SYNE1: variants seen among roughly 807,000 people sequenced by gnomAD.
The protein encoded by SYNE1 is nesprin-1.
In SYNE1, 616 loss-of-function variants were observed where a neutral mutation model predicts 1,111.0. The ratio of observed to expected loss-of-function variants is 0.55; its 90% CI spans 0.52 to 0.59. The LOEUF (loss-of-function observed/expected upper bound fraction) is 0.59. Among genes scored for constraint, SYNE1 ranks in the 20% least tolerant of loss-of-function variants. The probability of loss-of-function intolerance (pLI) is 0.00; values close to 1 mark genes in which losing one functional copy is unlikely to be tolerated. For synonymous variants in SYNE1, 3,855 were observed against 3,825.8 expected (o/e 1.01, Z -0.28); for missense variants, 10,006 against 10,417.0 (o/e 0.96, Z 1.72).
In SYNE1 at chr6:152,505,213, G is replaced by A; in HGVS notation, c.766C>T (p.Leu256=). ...ATATTCAGCCTACCTTCAGGATCTAGCAGTCTTGGGATCCCCAGTTCTGTT... is the reference window on the plus strand; with the variant it reads ...ATATTCAGCCTACCTTCAGGATCTAACAGTCTTGGGATCCCCAGTTCTGTT... ...AETELGIPRL[L]DPEDVDVDKP... The change falls in exon 9 of 146, where the codon CTA becomes TTA. Residue 256 remains leucine, a synonymous_variant. Coordinates refer to ENST00000367255, the MANE Select transcript of SYNE1 (RefSeq NM_182961.4). 1 of 1,613,946 alleles carries A rather than the reference G, an allele frequency of 6.2e-7. No homozygotes were observed. The highest frequency in any genetic ancestry group is 8.5e-7 in the Non-Finnish European group (1 of 1,179,950).
At chr6:152,464,204 G>A (rs979313618) in intron 18 of SYNE1, among the ~76,000 whole-genome samples, 1 of 152,098 alleles carries the variant, frequency 6.6e-6, no homozygotes, top group Admixed American at 6.6e-5. Context: ...CAATGAAACA[G>A]TTTCCAACTC....
Position 152,122,546 on chromosome 6 carries a change from C to G in SYNE1, c.26284G>C (p.Ala8762Pro). ...QLLLLLLIGLACLVPMSEEDY... is the reference protein window; with the variant it reads ...QLLLLLLIGLPCLVPMSEEDY... ...TCCTCTGACATTGGTACAAGGCAGG[C>G]AAGCCCGATGAGGAGGAGCAGGAGA... Residue 8762 changes from alanine (A) to proline (P), a missense_variant, in exon 146 of 146, where the codon GCC becomes CCC. Around this residue, in one of 7 missense-constraint regions of SYNE1, gnomAD observed 761 missense variants for 795.5 expected, o/e 0.96. Coordinates refer to ENST00000367255, the MANE Select transcript of SYNE1 (RefSeq NM_182961.4). The G allele has an allele frequency of 6.2e-7, 1 of 1,614,220 alleles. No individual in the cohort carries two copies. Among genetic ancestry groups the G allele is most frequent in the Non-Finnish European group, 8.5e-7 (1 of 1,180,038 alleles).
rs73633307 is a variant in SYNE1, at chr6:152,155,209, T to G, written c.23979-167A>C. The G allele has an allele frequency of 0.044, 30,315 of 683,118 alleles. 898 individuals are homozygous for G. Among genetic ancestry groups the G allele is most frequent in the African/African-American group, 0.094 (5,175 of 55,340 alleles). 42.3% of individuals were successfully genotyped at this position (683,118 alleles called of 1,614,324 possible). On this transcript the variant is annotated intron_variant, in intron 132 of 145. Coordinates refer to ENST00000367255, the MANE Select transcript of SYNE1 (RefSeq NM_182961.4). ...TTGACCAGAGAGCAAGAGAGACAAC[T>G]GCTTGAGCTAAAATAAAACGGCTGT...
At chr6:152,535,673 T>C (rs1196247492) in intron 4 of SYNE1, among the ~76,000 whole-genome samples, 4 of 152,184 alleles carry the variant, frequency 2.6e-5, no homozygotes, top group African/African-American at 9.7e-5. Flanking sequence ...AATATGAAAC[T>C]GCAAGCATTT....
intron 59 of SYNE1, among the ~76,000 whole-genome samples, chr6:152,371,172 C>T (rs530678020): frequency 3.0e-4 from 45 of 152,228 alleles, no homozygotes; most frequent in Middle Eastern, 3.4e-3. Flanking sequence ...TGTCCCCCCC[C>T]AAATCTCATC....
chr6:152,402,279 C>G (rs764090388), intron 46 of SYNE1: 2 of 152,276 alleles, frequency 1.3e-5, no homozygotes, highest in Non-Finnish European at 2.9e-5. Flanking sequence ...TCCCTAGACA[C>G]GACAGTGCGC....
chr6:152,576,021 A>G lies in SYNE1; in HGVS notation c.68-36000T>C, dbSNP rs79117753. 5.6e-3 allele frequency among the ~76,000 whole-genome samples: 858 copies of G among 152,386 alleles called. 8 individuals are homozygous for G. The highest frequency in any genetic ancestry group is 0.019 in the African/African-American group (774 of 41,592). ...AGAACAAAGTGGACCTCGGCTAATC[A>G]GCAAACGTGCCTGTGCATGTCTTTC... On this transcript the variant is annotated intron_variant, in intron 3 of 145. Transcript: ENST00000367255.
Position 152,323,547 on chromosome 6 carries a change from G to A in SYNE1, c.15848C>T (p.Ala5283Val). 1 of 1,614,248 alleles carries A rather than the reference G, an allele frequency of 6.2e-7. No homozygotes were observed. The highest frequency in any genetic ancestry group is 1.1e-5 in the South Asian group (1 of 91,086). ...QQTLSMLQDG[A>V]APTPGEEPPL... ...AGGCTCTTCCCCAGGGGTTGGGGCG[G>A]CTCCATCCTGGAGCATGCTCAGGGT... is the stretch of plus-strand genomic sequence containing the variant. The change falls in exon 82 of 146, where the codon GCC becomes GTC. Residue 5283 changes from alanine to valine, a missense_variant. Ala to Val is a moderately conservative substitution (Grantham distance 64). This residue lies in a region of SYNE1 where 4,955 missense variants were observed against 5,017.2 expected (regional missense o/e 0.99). Coordinates refer to ENST00000367255, the MANE Select transcript of SYNE1 (RefSeq NM_182961.4).
At chr6:152,255,856 G>T in intron 102 of SYNE1, 110 bp from the exon 103 acceptor site, 2 of 1,279,872 alleles carry the variant, frequency 1.6e-6, no homozygotes, top group South Asian at 1.2e-5. Flanking sequence ...TGAGCACTTT[G>T]GTAGCCCAAA....
chr6:152,471,204 C>T (rs776895668), intron 16 of SYNE1, among the ~76,000 whole-genome samples: 2 of 152,054 alleles, frequency 1.3e-5, no homozygotes, highest in African/African-American at 4.8e-5. Flanking sequence ...GAGAATGGTT[C>T]TAAACTAGTC....
chr6:152,217,624 GAGAT>G (rs1025320255), intron 121 of SYNE1, among the ~76,000 whole-genome samples: 6 of 152,204 alleles, frequency 3.9e-5, no homozygotes, highest in African/African-American at 1.4e-4. Context: ...GGGTCTCAGA[GAGAT>G]AGGAGTAGAT....
intron 126 of SYNE1, among the ~76,000 whole-genome samples, chr6:152,204,162 C>T (rs975963888): frequency 1.3e-5 from 2 of 151,922 alleles, no homozygotes; most frequent in African/African-American, 4.8e-5. Flanking sequence ...GCCAGGAGTT[C>T]GAGACCAGCC....
chr6:152,413,340 G>T lies in SYNE1; in HGVS notation c.6230+12C>A. On this transcript the variant is annotated intron_variant, in intron 42 of 145. Coordinates refer to ENST00000367255, the MANE Select transcript of SYNE1 (RefSeq NM_182961.4). ...GAAGCTAAAAACAAGAACTGGGTGG[G>T]TTTTGACTTACTTTTCATGAATTAG... The T allele has an allele frequency of 2.5e-6, 4 of 1,614,066 alleles. No individual in the cohort carries two copies. Among genetic ancestry groups the T allele is most frequent in the Non-Finnish European group, 2.5e-6 (3 of 1,179,976 alleles).
intron 130 of SYNE1, among the ~76,000 whole-genome samples, chr6:152,167,307 C>T (rs556164089): frequency 6.6e-6 from 1 of 152,232 alleles, no homozygotes; most frequent in South Asian, 2.1e-4. Flanking sequence ...ATCTATATTT[C>T]ACCACTTTCC....
chr6:152,305,839 T>C (rs2095356756), intron 91 of SYNE1, among the ~76,000 whole-genome samples: 1 of 152,150 alleles, frequency 6.6e-6, no homozygotes, highest in Non-Finnish European at 1.5e-5. Context: ...TAAGTCACAG[T>C]TGGTTTAAAA....
chr6:152,343,609 A>G (rs1189611936), intron 74 of SYNE1, among the ~76,000 whole-genome samples: 2 of 150,780 alleles, frequency 1.3e-5, no homozygotes, highest in Non-Finnish European at 3.0e-5. Context: ...GCTCACTGCA[A>G]CCTCTGCCTC....
At chr6:152,531,980 G>A (rs2099204772) in intron 4 of SYNE1, among the ~76,000 whole-genome samples, 1 of 152,126 alleles carries the variant, frequency 6.6e-6, no homozygotes, top group Non-Finnish European at 1.5e-5. Flanking sequence ...AATATCTCCT[G>A]AAGACCCTGC....
At position 152,442,243 on chromosome 6, in the gene SYNE1, T is replaced by C; in HGVS notation, c.3840A>G (p.Gln1280=). 1.2e-6 allele frequency: 2 copies of C among 1,612,716 alleles called. No homozygotes were observed. The highest frequency in any genetic ancestry group is 8.5e-7 in the Non-Finnish European group (1 of 1,180,034). The change falls in exon 31 of 146, where the codon CAA becomes CAG. Residue 1280 remains glutamine (Q), a splice_region_variant and synonymous_variant. Transcript: ENST00000367255. ...TCTTTGCTGAGATCCGCTTTGTCTT[T>C]TGCTAGAAGCATTTATTCAACAGAT... The part of the protein sequence containing the change: ...EAQQLLLHHQ[Q]KTKRISAKKR...
At chr6:152,445,614 C>A (rs930473100) in intron 29 of SYNE1, among the ~76,000 whole-genome samples, 8 of 152,046 alleles carry the variant, frequency 5.3e-5, no homozygotes, top group African/African-American at 1.9e-4. Flanking sequence ...AAACAAGCAG[C>A]AATGAGACCT....
Sources: gnomAD v4.1 joint callset for allele counts (sites outside exome capture counted in the v4.1 genomes callset) on GRCh38, gnomAD v4.1.1 for gene constraint, gnomAD v4.1.1 regional missense constraint, MANE v1.5 for transcripts, NCBI Gene and HGNC (gene_info 2026-07-23, HGNC 2026-07-21) for gene names.